Variants in CARMIL1 observed in about 807,000 individuals in gnomAD.
The protein encoded by CARMIL1 is F-actin-uncapping protein LRRC16A.
A neutral mutation model predicts 177.1 loss-of-function variants in CARMIL1; 90 were observed. The observed-to-expected ratio is 0.51, with a 90% CI of 0.43 to 0.61. The LOEUF is 0.61. CARMIL1 is among the 20% of genes least tolerant of loss of function. The pLI, the probability that CARMIL1 is intolerant of heterozygous loss-of-function variation, is 0.00. For synonymous variants in CARMIL1, 577 were observed against 606.2 expected (o/e 0.95, Z 0.71); for missense variants, 1,380 against 1,667.0 (o/e 0.83, Z 3.00).
intron 2 of CARMIL1, among the ~76,000 whole-genome samples, chr6:25,350,375 C>G (rs1441288828): frequency 6.6e-6 from 1 of 152,100 alleles, no homozygotes; most frequent in Non-Finnish European, 1.5e-5. Context: ...AAGTGATAAG[C>G]CTGAAAATCC....
intron 36 of CARMIL1, among the ~76,000 whole-genome samples, chr6:25,618,938 GC>G (rs1759510002): frequency 6.6e-6 from 1 of 152,210 alleles, no homozygotes. Context: ...GATTCCTGAG[GC>G]CTTTGCTGAT....
chr6:25,576,484 A>G (rs1452381124), intron 29 of CARMIL1, among the ~76,000 whole-genome samples: 2 of 152,174 alleles, frequency 1.3e-5, no homozygotes, highest in African/African-American at 4.8e-5. Context: ...AGTGATGTAA[A>G]TGGCCCCAGA....
At position 25,450,967 on chromosome 6, in the gene CARMIL1, T is replaced by TCTCC. The variant is rs1798825526; in HGVS notation, c.614+256_614+257insCTCC. ...CTCTCCTCTCCTCTCCTCTCCTCTC[T>TCTCC]TCTCTTCTCCTCTCCCCCTCCCCTC... On this transcript the variant is annotated intron_variant, in intron 8 of 36. Transcript: ENST00000329474. 3.2e-3 allele frequency among the ~76,000 whole-genome samples: 12 copies of TCTCC among 3,714 alleles called. 1 individual carries two copies. The highest frequency in any genetic ancestry group is 0.011 in the Admixed American group (2 of 190). The allele number at this position is 3,714 out of a possible 152,430, so 2.4% of individuals were successfully genotyped here.
intron 5 of CARMIL1, among the ~76,000 whole-genome samples, chr6:25,442,805 C>T (rs960462050): frequency 5.9e-5 from 9 of 152,186 alleles, no homozygotes; most frequent in Non-Finnish European, 1.3e-4. Context: ...CAGGTTGGTT[C>T]GCACAGATGT....
chr6:25,435,897 G>T (rs1391213464), intron 5 of CARMIL1, among the ~76,000 whole-genome samples: 2 of 152,128 alleles, frequency 1.3e-5, no homozygotes, highest in Non-Finnish European at 2.9e-5. Context: ...AGATTTACAG[G>T]AGTGTGAATA....
At chr6:25,506,371 A>G (rs1412652857) in intron 17 of CARMIL1, among the ~76,000 whole-genome samples, 1 of 152,100 alleles carries the variant, frequency 6.6e-6, no homozygotes, top group African/African-American at 2.4e-5. Context: ...ACATGGTGAA[A>G]CCCGTCTCTA....
chr6:25,502,340 C>T (rs924519097), intron 17 of CARMIL1, among the ~76,000 whole-genome samples: 7 of 151,280 alleles, frequency 4.6e-5, no homozygotes, highest in Admixed American at 4.0e-4. Context: ...GGGTGGATTA[C>T]GAGGTCAGGA....
intron 35 of CARMIL1, among the ~76,000 whole-genome samples, chr6:25,606,766 T>C (rs1816011781): frequency 6.6e-6 from 1 of 152,146 alleles, no homozygotes; most frequent in African/African-American, 2.4e-5. Context: ...GTGAATAGTT[T>C]TAGTGGACAC....
In CARMIL1 at chr6:25,548,460, C is replaced by G. The variant is rs1172929013; in HGVS notation, c.2329-2450C>G. ...TATTCAGGCGGAAAAGTTTCCTAGGCTTTATTGTGTATATGTTTTATCATA... is the reference window on the plus strand; with the variant it reads ...TATTCAGGCGGAAAAGTTTCCTAGGGTTTATTGTGTATATGTTTTATCATA... On this transcript the variant is annotated intron_variant, in intron 26 of 36. Coordinates refer to ENST00000329474, the MANE Select transcript of CARMIL1 (RefSeq NM_017640.6). Among the ~76,000 whole-genome samples, 4 of 151,962 alleles carry G rather than the reference C, an allele frequency of 2.6e-5. No homozygotes were observed. In the East Asian group the frequency reaches 5.8e-4, roughly 22 times the overall value.
At chr6:25,400,303 C>T (rs571555230) in intron 2 of CARMIL1, among the ~76,000 whole-genome samples, 65 of 152,300 alleles carry the variant, frequency 4.3e-4, no homozygotes, top group African/African-American at 1.4e-3. Flanking sequence ...CCACACCCAG[C>T]GCCTGGTTCT....
At chr6:25,434,649 G>C (rs1797081881) in intron 4 of CARMIL1, among the ~76,000 whole-genome samples, 1 of 151,290 alleles carries the variant, frequency 6.6e-6, no homozygotes, top group Admixed American at 6.6e-5. Flanking sequence ...TCAGCCTCCT[G>C]AGTAGCTGGG....
chr6:25,435,622 G>A lies in CARMIL1; in HGVS notation c.371+18G>A. The A allele has an allele frequency of 6.4e-7, 1 of 1,567,016 alleles. No homozygotes were observed. Among genetic ancestry groups the A allele is most frequent in the Non-Finnish European group, 8.7e-7 (1 of 1,155,856 alleles). ...TCTCCAGTGTGAGTTTCCCTGGGCA[G>A]GGTGAGGAGAGCAAAGAACCTGTTC... On this transcript the variant is annotated intron_variant, in intron 5 of 36. Transcript: ENST00000329474.
At chr6:25,312,001 G>A (rs897346275) in intron 2 of CARMIL1, among the ~76,000 whole-genome samples, 1 of 152,228 alleles carries the variant, frequency 6.6e-6, no homozygotes, top group African/African-American at 2.4e-5. Flanking sequence ...GCTAGGTCTT[G>A]TGGGAGGCAA....
intron 2 of CARMIL1, among the ~76,000 whole-genome samples, chr6:25,399,937 T>TA (rs1272971348): frequency 6.6e-6 from 1 of 152,158 alleles, no homozygotes; most frequent in Non-Finnish European, 1.5e-5. Flanking sequence ...TCACGACACT[T>TA]ATAGGAGGTA....
intron 21 of CARMIL1, among the ~76,000 whole-genome samples, chr6:25,517,140 C>T (rs1702836778): frequency 6.6e-6 from 1 of 152,172 alleles, no homozygotes; most frequent in African/African-American, 2.4e-5. Context: ...TTCCATACTA[C>T]TTGCGTGGTA....
chr6:25,509,576 G>C lies in CARMIL1; in HGVS notation c.1396-80G>C. 1.1e-6 allele frequency: 1 copy of C among 878,412 alleles called. No individual in the cohort carries two copies. Among genetic ancestry groups the C allele is most frequent in the Admixed American group, 2.3e-5 (1 of 42,786 alleles). The allele number at this position is 878,412 out of a possible 1,614,324, so 54.4% of individuals were successfully genotyped here. On this transcript the variant is annotated intron_variant, in intron 17 of 36. Transcript: ENST00000329474. The surrounding 1 kb of genome is among the most constrained non-coding windows in gnomAD (Gnocchi z 4.1). ...TACTAAGTTTATTTTAAGACTGACT[G>C]TCTCTCCTATTTTTAATTTTTTGAT...
intron 2 of CARMIL1, among the ~76,000 whole-genome samples, chr6:25,362,599 A>C (rs2150398799): frequency 6.6e-6 from 1 of 151,992 alleles, no homozygotes; most frequent in East Asian, 1.9e-4. Flanking sequence ...ACTTGAACCC[A>C]GGAGGTGGAG....
chr6:25,375,537 A>G (rs1790887715), intron 2 of CARMIL1, among the ~76,000 whole-genome samples: 1 of 152,222 alleles, frequency 6.6e-6, no homozygotes, highest in South Asian at 2.1e-4. Context: ...CTAAATCTCC[A>G]GCAAGGCCAG....
At chr6:25,576,888 GTATCCC>G in intron 29 of CARMIL1, 3 of 559,028 alleles carry the variant, frequency 5.4e-6, no homozygotes, top group Non-Finnish European at 6.8e-6. Context: ...TTTGTGAATG[GTATCCC>G]TCTCCCTCCC....
Sources: gnomAD v4.1 joint callset for allele counts (sites outside exome capture counted in the v4.1 genomes callset) on GRCh38, gnomAD v4.1.1 for gene constraint, Gnocchi (gnomAD v3.1) non-coding constraint, MANE v1.5 for transcripts, NCBI Gene and HGNC (gene_info 2026-07-23, HGNC 2026-07-21) for gene names.